NCAM2: variants seen among roughly 807,000 people sequenced by gnomAD.
The protein encoded by NCAM2 is N-CAM-2.
Under a neutral mutation model 98.1 loss-of-function variants are expected in NCAM2, and 30 were observed. That is an observed-to-expected ratio of 0.31 (90% CI 0.23 to 0.41). The LOEUF (loss-of-function observed/expected upper bound fraction) is 0.41. Ranked by LOEUF, NCAM2 falls within the 10% of genes least tolerant of loss-of-function variation. The probability of loss-of-function intolerance (pLI) is 1.00; values close to 1 mark genes in which losing one functional copy is unlikely to be tolerated. For synonymous variants in NCAM2, 368 were observed against 342.4 expected (o/e 1.07, Z -0.83); for missense variants, 867 against 1,005.8 (o/e 0.86, Z 1.87).
intron 1 of NCAM2, among the ~76,000 whole-genome samples, chr21:21,152,007 A>C (rs1217210763): frequency 6.6e-6 from 1 of 152,022 alleles, no homozygotes; most frequent in Non-Finnish European, 1.5e-5. Flanking sequence ...GTATTGCTTA[A>C]TAAAATGTGG....
chr21:21,356,984 C>CATCA (rs200229525), intron 8 of NCAM2, among the ~76,000 whole-genome samples: 118 of 73,566 alleles, frequency 1.6e-3, no homozygotes, highest in African/African-American at 7.1e-3. Context: ...AGCGAAACTC[C>CATCA]ATCAATAAAT....
intron 8 of NCAM2, among the ~76,000 whole-genome samples, chr21:21,351,531 T>A (rs1401209447): frequency 6.6e-6 from 1 of 152,204 alleles, no homozygotes; most frequent in Admixed American, 6.5e-5. Flanking sequence ...AAATTTTGAA[T>A]TATCTTGTAC....
intron 1 of NCAM2, among the ~76,000 whole-genome samples, chr21:21,151,113 A>G (rs1287377665): frequency 6.6e-6 from 1 of 152,008 alleles, no homozygotes; most frequent in Non-Finnish European, 1.5e-5. Flanking sequence ...AATCAATTAA[A>G]AAAACACTTC....
intron 1 of NCAM2, among the ~76,000 whole-genome samples, chr21:21,212,589 C>T (rs1345615694): frequency 6.6e-6 from 1 of 152,088 alleles, no homozygotes; most frequent in African/African-American, 2.4e-5. Context: ...CTGGGGAAAG[C>T]TGACTAAGAT....
At chr21:21,136,391 G>T (rs969776113) in intron 1 of NCAM2, among the ~76,000 whole-genome samples, 1 of 151,718 alleles carries the variant, frequency 6.6e-6, no homozygotes, top group African/African-American at 2.4e-5. Flanking sequence ...TAACAGCATT[G>T]AAAAATCTTT....
At chr21:21,272,500 G>GCA (rs2072542567) in intron 1 of NCAM2, among the ~76,000 whole-genome samples, 2 of 51,134 alleles carry the variant, frequency 3.9e-5, no homozygotes, top group Non-Finnish European at 8.6e-5. Context: ...ACACACATGC[G>GCA]CGCGCGCGCA....
intron 5 of NCAM2, among the ~76,000 whole-genome samples, chr21:21,311,274 TTAAA>T (rs1435683771): frequency 6.6e-6 from 1 of 152,200 alleles, no homozygotes; most frequent in Non-Finnish European, 1.5e-5. Flanking sequence ...TATGCTTTTG[TTAAA>T]TGAATGAACG....
intron 16 of NCAM2, among the ~76,000 whole-genome samples, chr21:21,531,826 CA>C (rs71696380): frequency 3.7e-3 from 481 of 130,524 alleles, no homozygotes; most frequent in African/African-American, 7.2e-3. Context: ...TAAAAAATAC[CA>C]AAAAAAAAAA....
At chr21:21,055,373 C>T (rs1392822984) in intron 1 of NCAM2, among the ~76,000 whole-genome samples, 1 of 152,060 alleles carries the variant, frequency 6.6e-6, no homozygotes, top group Admixed American at 6.6e-5. Context: ...ACCTTATTAT[C>T]TCTTGTGATC....
At chr21:21,368,842 G>C (rs1258383926) in intron 8 of NCAM2, among the ~76,000 whole-genome samples, 2 of 151,796 alleles carry the variant, frequency 1.3e-5, no homozygotes, top group Non-Finnish European at 2.9e-5. Flanking sequence ...TTCCTGCAGT[G>C]TGAGTGATCT....
chr21:21,474,099 T>C (rs1305986209), intron 14 of NCAM2, among the ~76,000 whole-genome samples: 1 of 152,054 alleles, frequency 6.6e-6, no homozygotes, highest in Non-Finnish European at 1.5e-5. Context: ...TCAACCTTTG[T>C]AAATTAGACA....
chr21:21,344,113 G>A (rs2075122286), intron 8 of NCAM2, among the ~76,000 whole-genome samples: 1 of 152,110 alleles, frequency 6.6e-6, no homozygotes, highest in African/African-American at 2.4e-5. Context: ...TCTCCCAAAC[G>A]GTGTTTCTAT....
intron 15 of NCAM2, among the ~76,000 whole-genome samples, chr21:21,479,222 T>G (rs1026058865): frequency 1.3e-5 from 2 of 152,032 alleles, no homozygotes; most frequent in African/African-American, 2.4e-5. Context: ...AGATAAAACA[T>G]AAAATCAAAA....
At chr21:21,537,801 C>T (rs1231334547) in intron 17 of NCAM2, 45 bp from the exon 18 acceptor site, 3 of 1,056,194 alleles carry the variant, frequency 2.8e-6, no homozygotes, top group Middle Eastern at 2.9e-4. Context: ...GGTACGTCTC[C>T]TTAAATACCT....
intron 16 of NCAM2, among the ~76,000 whole-genome samples, chr21:21,514,222 ATGT>A (rs1437485105): frequency 6.6e-6 from 1 of 151,502 alleles, no homozygotes; most frequent in East Asian, 1.9e-4. Flanking sequence ...AACTGGCAAA[ATGT>A]TGTCTCTGGG....
At chr21:21,026,855 CTTTTTT>C (rs752588922) in intron 1 of NCAM2, among the ~76,000 whole-genome samples, 1 of 126,814 alleles carries the variant, frequency 7.9e-6, no homozygotes. Flanking sequence ...TCTTCTTCTT[CTTTTTT>C]TTTTTTTTTT....
chr21:21,094,134 A>G (rs2066069863), intron 1 of NCAM2, among the ~76,000 whole-genome samples: 1 of 151,964 alleles, frequency 6.6e-6, no homozygotes, highest in Admixed American at 6.6e-5. Context: ...ACTCGATGCT[A>G]GGGAACTGCA....
chr21:21,523,795 A>G (rs1989164311), intron 16 of NCAM2, among the ~76,000 whole-genome samples: 1 of 152,096 alleles, frequency 6.6e-6, no homozygotes, highest in Non-Finnish European at 1.5e-5. Flanking sequence ...TAACTGATAT[A>G]CTAAGGAAAG....
intron 1 of NCAM2, among the ~76,000 whole-genome samples, chr21:21,279,741 A>G (rs2072862520): frequency 6.6e-6 from 1 of 152,120 alleles, no homozygotes; most frequent in Non-Finnish European, 1.5e-5. Flanking sequence ...GGTTACTATG[A>G]TCAATAAATT....
Sources: gnomAD v4.1 joint callset for allele counts (sites outside exome capture counted in the v4.1 genomes callset) on GRCh38, gnomAD v4.1.1 for gene constraint, MANE v1.5 for transcripts, NCBI Gene and HGNC (gene_info 2026-07-23, HGNC 2026-07-21) for gene names.